Variants in XRCC4 observed in about 807,000 individuals in gnomAD.
XRCC4 encodes the protein X-ray repair cross complementing 4, also known as DNA repair protein XRCC4.
A neutral mutation model predicts 39.1 loss-of-function variants in XRCC4; 28 were observed. The ratio of observed to expected loss-of-function variants is 0.72; its 90% confidence interval spans 0.53 to 0.98. XRCC4 has a LOEUF of 0.98. Among genes scored for constraint, XRCC4 ranks in the 50% least tolerant of loss-of-function variants. The probability of loss-of-function intolerance (pLI) is 0.00; values close to 1 mark genes in which losing one functional copy is unlikely to be tolerated. For missense variants in XRCC4, 350 were observed against 376.4 expected, an observed-to-expected ratio of 0.93 and a Z score of 0.58; for synonymous variants, 123 against 126.4, an observed-to-expected ratio of 0.97 and a Z score of 0.18.
intron 3 of XRCC4, among the ~76,000 whole-genome samples, chr5:83,172,983 C>G (rs1225974958): frequency 3.9e-5 from 6 of 152,132 alleles, no homozygotes; most frequent in Admixed American, 3.9e-4. Context: ...GTTCTAACAA[C>G]AGTCACTGTT....
At chr5:83,218,824 A>C (rs1437658122) in intron 6 of XRCC4, among the ~76,000 whole-genome samples, 1 of 152,150 alleles carries the variant, frequency 6.6e-6, no homozygotes. Flanking sequence ...GTGTTTAGTG[A>C]AAGGATATCT....
Position 83,204,590 on chromosome 5 carries a change from A to G in XRCC4, c.639-225A>G, listed in dbSNP as rs544872724. 2.6e-5 allele frequency among the ~76,000 whole-genome samples: 4 copies of G among 152,220 alleles called. No individual in the cohort carries two copies. In the Middle Eastern group the frequency reaches 0.014, roughly 518 times the overall value. ...AGAAACTGATTTAATATTAATTATA[A>G]TAAGTACTAAATTCAGATTAAAATT... On this transcript the variant is annotated intron_variant, in intron 5 of 7. Transcript: ENST00000396027.
intron 6 of XRCC4, among the ~76,000 whole-genome samples, chr5:83,254,892 G>C (rs1430170861): frequency 1.3e-5 from 2 of 152,036 alleles, no homozygotes; most frequent in African/African-American, 4.8e-5. Context: ...TTCAAGACCA[G>C]TCTGGCCAAC....
rs965320064 is a variant in XRCC4 at position 83,192,104 on chromosome 5, A to G, written c.316-3666A>G. On this transcript the variant is annotated intron_variant, in intron 3 of 7. Transcript: ENST00000396027. Reference sequence around the variant, plus strand: ...TTAAAAAGCTAAAAGTATTTATTCTATCACTTAGAATGATAACTATTAAGA... The same window carrying G: ...TTAAAAAGCTAAAAGTATTTATTCTGTCACTTAGAATGATAACTATTAAGA... Among the ~76,000 whole-genome samples the G allele has an allele frequency of 4.1e-4, 61 of 147,178 alleles. 1 individual carries two copies. Among genetic ancestry groups the G allele is most frequent in the Admixed American group, 2.0e-3 (30 of 14,888 alleles).
At chr5:83,349,787 C>T (rs1757025192) in intron 7 of XRCC4, among the ~76,000 whole-genome samples, 1 of 152,020 alleles carries the variant, frequency 6.6e-6, no homozygotes, top group South Asian at 2.1e-4. Context: ...ATTTTAGATA[C>T]AGGGGGTACA....
chr5:83,257,700 G>C (rs868638521), intron 6 of XRCC4, among the ~76,000 whole-genome samples: 4 of 152,134 alleles, frequency 2.6e-5, no homozygotes, highest in Non-Finnish European at 5.9e-5. Context: ...TATACCCAAA[G>C]TATTCTAAAT....
intron 3 of XRCC4, among the ~76,000 whole-genome samples, chr5:83,176,367 C>T (rs1051401837): frequency 1.1e-4 from 16 of 151,918 alleles, no homozygotes; most frequent in Non-Finnish European, 2.4e-4. Context: ...GTTGTGAATA[C>T]TTGATGACAG....
intron 6 of XRCC4, among the ~76,000 whole-genome samples, chr5:83,230,182 G>T (rs1485808503): frequency 6.6e-6 from 1 of 151,944 alleles, no homozygotes; most frequent in Non-Finnish European, 1.5e-5. Flanking sequence ...CAAGTTACAA[G>T]AGATTTAAAA....
Position 83,084,986 on chromosome 5 carries a change from A to G in XRCC4, c.-11+7371A>G, listed in dbSNP as rs183276049. Among the ~76,000 whole-genome samples the G allele has an allele frequency of 8.2e-4, 125 of 152,320 alleles. 1 individual carries two copies. Among genetic ancestry groups the G allele is most frequent in the Admixed American group, 3.4e-3 (52 of 15,304 alleles). On this transcript the variant is annotated intron_variant, in intron 1 of 7. Transcript: ENST00000396027. ...GTTGCAAATGATAATTAGGCTTGAG[A>G]TTAAGTAATCAAAAACAAATATTAC...
chr5:83,235,080 A>G (rs2112828127), intron 6 of XRCC4, among the ~76,000 whole-genome samples: 1 of 151,878 alleles, frequency 6.6e-6, no homozygotes, highest in African/African-American at 2.4e-5. Context: ...CACACCTATA[A>G]TCCGATCATT....
intron 3 of XRCC4, among the ~76,000 whole-genome samples, chr5:83,191,564 G>T (rs920678834): frequency 3.9e-5 from 6 of 152,098 alleles, no homozygotes; most frequent in Non-Finnish European, 8.8e-5. Context: ...TTAGGGCATG[G>T]TGGCCCACCC....
intron 1 of XRCC4, among the ~76,000 whole-genome samples, chr5:83,087,214 G>T (rs1745221347): frequency 6.6e-6 from 1 of 151,890 alleles, no homozygotes; most frequent in South Asian, 2.1e-4. Context: ...CTACTCGGGA[G>T]GCTGAGACAT....
At chr5:83,293,679 CA>C (rs1755000241) in intron 7 of XRCC4, among the ~76,000 whole-genome samples, 1 of 151,938 alleles carries the variant, frequency 6.6e-6, no homozygotes, top group African/African-American at 2.4e-5. Context: ...TTGTAAATTT[CA>C]GGCAGAGATA....
At chr5:83,100,321 A>G (rs1745870754) in intron 1 of XRCC4, among the ~76,000 whole-genome samples, 2 of 152,158 alleles carry the variant, frequency 1.3e-5, no homozygotes, top group African/African-American at 4.8e-5. Context: ...AAACATGAAT[A>G]ATTCAAAGAT....
intron 6 of XRCC4, among the ~76,000 whole-genome samples, chr5:83,215,009 A>G (rs1254699777): frequency 1.3e-5 from 2 of 152,086 alleles, no homozygotes; most frequent in Non-Finnish European, 2.9e-5. Context: ...ACTTAAGTAA[A>G]TGGGAAAACA....
chr5:83,343,152 C>T (rs1043085296), intron 7 of XRCC4, among the ~76,000 whole-genome samples: 2 of 151,876 alleles, frequency 1.3e-5, no homozygotes, highest in African/African-American at 4.8e-5. Flanking sequence ...CTTACCTTAC[C>T]CCTCATCTTC....
intron 6 of XRCC4, among the ~76,000 whole-genome samples, chr5:83,211,913 A>G (rs1054055196): frequency 6.6e-6 from 1 of 152,212 alleles, no homozygotes; most frequent in Non-Finnish European, 1.5e-5. Flanking sequence ...GTTACAATAT[A>G]TTATTTAAAA....
chr5:83,367,902 C>T, the XRCC4 span, among the ~76,000 whole-genome samples: 2 of 151,734 alleles, frequency 1.3e-5, no homozygotes, highest in African/African-American at 4.8e-5. Flanking sequence ...CTCTTTTAGT[C>T]AATATTTTAG....
intron 1 of XRCC4, among the ~76,000 whole-genome samples, chr5:83,080,474 C>T (rs370189345): frequency 7.3e-5 from 11 of 150,918 alleles, no homozygotes; most frequent in East Asian, 3.9e-4. Flanking sequence ...TGCAGTGAGC[C>T]GAGATTGTGC....
Sources: allele counts gnomAD v4.1 joint callset (sites outside exome capture counted in the v4.1 genomes callset), GRCh38; gene constraint gnomAD v4.1.1; transcripts MANE v1.5; gene names NCBI Gene and HGNC (gene_info 2026-07-23, HGNC 2026-07-21).